BCAR3: variants seen among roughly 807,000 people sequenced by gnomAD.
BCAR3 encodes the protein breast cancer anti-estrogen resistance protein 3.
BCAR3 carries 37 observed loss-of-function variants against 80.1 expected under a neutral mutation model. That is an observed-to-expected ratio of 0.46 (90% CI 0.36 to 0.61). The LOEUF (loss-of-function observed/expected upper bound fraction) is 0.61. Ranked by LOEUF, BCAR3 falls within the 20% of genes least tolerant of loss-of-function variation. The pLI is 0.00. For synonymous variants in BCAR3, 389 were observed against 418.9 expected (o/e 0.93, Z 0.87); for missense variants, 978 against 1,068.2 (o/e 0.92, Z 1.18).
rs968639421 is a variant in BCAR3 at position 93,582,462 on chromosome 1, G to A, written c.1525C>T (p.Leu509=). The change falls in exon 7 of 12, where the codon CTG becomes TTG. Residue 509 remains leucine, a synonymous_variant. Coordinates refer to ENST00000260502, the MANE Select transcript of BCAR3 (RefSeq NM_003567.4). ...WDKGEFVTPL[L]ETVSSFRPNE... is the part of the protein sequence containing the mutation. ...GGCCTGAAGGAGGAGACAGTCTCCA[G>A]GAGGGGCGTCACAAACTCGCCCTTG... 11 of 1,614,070 alleles carry A rather than the reference G, an allele frequency of 6.8e-6. No individual in the cohort carries two copies. Among genetic ancestry groups the A allele is most frequent in the Non-Finnish European group, 8.5e-6 (10 of 1,180,048 alleles).
chr1:93,650,988 T>A (rs1373204950), intron 2 of BCAR3, among the ~76,000 whole-genome samples: 2 of 152,130 alleles, frequency 1.3e-5, no homozygotes, highest in African/African-American at 2.4e-5. Context: ...TCAGAGCACA[T>A]CTGGAATATT....
intron 3 of BCAR3, among the ~76,000 whole-genome samples, chr1:93,631,759 C>T (rs368490829): frequency 6.6e-6 from 1 of 152,202 alleles, no homozygotes; most frequent in Admixed American, 6.5e-5. Flanking sequence ...CAAATTCACA[C>T]AGAATGTAAA....
intron 3 of BCAR3, among the ~76,000 whole-genome samples, chr1:93,610,492 C>CA (rs1674915040): frequency 2.0e-5 from 3 of 148,298 alleles, no homozygotes; most frequent in African/African-American, 8.0e-5. Flanking sequence ...AACAAACAAA[C>CA]AACAACATCA....
chr1:93,726,257 G>C (rs1359605945), intron 2 of BCAR3, among the ~76,000 whole-genome samples: 13 of 151,904 alleles, frequency 8.6e-5, no homozygotes, highest in Admixed American at 8.5e-4. Context: ...TTTTGAGAGA[G>C]AGACAGGGTC....
chr1:93,570,695 A>C (rs1161995818), intron 9 of BCAR3, among the ~76,000 whole-genome samples: 7 of 152,206 alleles, frequency 4.6e-5, no homozygotes, highest in Non-Finnish European at 1.0e-4. Context: ...TTCTGATAGA[A>C]GCTCTGCAAA....
chr1:93,643,726 A>G (rs528590204), intron 2 of BCAR3, among the ~76,000 whole-genome samples: 78 of 152,254 alleles, frequency 5.1e-4, no homozygotes, highest in African/African-American at 1.8e-3. Context: ...CAACATGAGG[A>G]CTATAGGTAA....
chr1:93,728,451 A>G (rs1158044097), intron 2 of BCAR3, among the ~76,000 whole-genome samples: 1 of 152,120 alleles, frequency 6.6e-6, no homozygotes, highest in Non-Finnish European at 1.5e-5. Flanking sequence ...TAGACCCTCT[A>G]CCCTGTTGCA....
In BCAR3 at chr1:93,829,833, C is replaced by A. The variant is rs916923670; in HGVS notation, c.-63+15734G>T. Among the ~76,000 whole-genome samples the A allele has an allele frequency of 1.9e-4, 29 of 152,176 alleles. 2 individuals are homozygous for A. Among genetic ancestry groups the A allele is most frequent in the Non-Finnish European group, 4.4e-5 (3 of 68,024 alleles). ...TTGATCTGTGTCCCCACCCAAATCT[C>A]ATGTTCAACTGTAATCCCCAGCATT... On this transcript the variant is annotated intron_variant, in intron 2 of 13. Coordinates refer to the BCAR3 transcript ENST00000370244.
chr1:93,662,246 C>G (rs1034205376), intron 2 of BCAR3, among the ~76,000 whole-genome samples: 1 of 152,176 alleles, frequency 6.6e-6, no homozygotes, highest in Non-Finnish European at 1.5e-5. Flanking sequence ...CTGAAAATCA[C>G]GGGAGCTTCT....
At chr1:93,703,043 C>T (rs1649703077) in intron 3 of BCAR3, among the ~76,000 whole-genome samples, 1 of 152,178 alleles carries the variant, frequency 6.6e-6, no homozygotes, top group African/African-American at 2.4e-5. Context: ...GGCAGAAGAG[C>T]TCACAGGTGT....
chr1:93,627,205 C>T (rs547192836), intron 3 of BCAR3, among the ~76,000 whole-genome samples: 28 of 152,240 alleles, frequency 1.8e-4, no homozygotes, highest in African/African-American at 6.0e-4. Context: ...TTTATAAGAT[C>T]TGCATAACTC....
intron 2 of BCAR3, among the ~76,000 whole-genome samples, chr1:93,667,661 A>G (rs1252643041): frequency 1.3e-5 from 2 of 152,262 alleles, no homozygotes; most frequent in Non-Finnish European, 2.9e-5. Flanking sequence ...TGTAAATAAC[A>G]GCACAGTCCT....
At chr1:93,676,706 T>A (rs971942535) in intron 1 of BCAR3, among the ~76,000 whole-genome samples, 6 of 152,180 alleles carry the variant, frequency 3.9e-5, no homozygotes, top group Admixed American at 3.3e-4. Flanking sequence ...CTAGGATTCT[T>A]CCACCCTACA....
chr1:93,711,337 T>A (rs1233937245), intron 2 of BCAR3, among the ~76,000 whole-genome samples: 2 of 152,234 alleles, frequency 1.3e-5, no homozygotes, highest in East Asian at 3.8e-4. Flanking sequence ...GCCTCATTCA[T>A]GTCTGTCAGG....
intron 2 of BCAR3, among the ~76,000 whole-genome samples, chr1:93,655,528 A>G (rs1414207707): frequency 6.6e-6 from 1 of 152,226 alleles, no homozygotes; most frequent in African/African-American, 2.4e-5. Flanking sequence ...TAAGTAGATC[A>G]TGCCTGGCAC....
At chr1:93,785,199 G>T (rs184086119) in intron 2 of BCAR3, among the ~76,000 whole-genome samples, 64 of 152,340 alleles carry the variant, frequency 4.2e-4, no homozygotes, top group Middle Eastern at 3.4e-3. Context: ...GCTTTCTATA[G>T]CAAGTACTTT....
chr1:93,666,009 G>A lies in BCAR3; in HGVS notation c.317+8605C>T, dbSNP rs236284. 3.3e-5 allele frequency among the ~76,000 whole-genome samples: 5 copies of A among 151,854 alleles called. 1 individual carries two copies. The East Asian group carries it at 9.7e-4, about 29-fold the overall frequency. ...ACAGACTTCTCTCCTCTACCACCAC[G>A]CTAGTGCAGAACCCCACCTGCTCCC... On this transcript the variant is annotated intron_variant, in intron 2 of 11. Transcript: ENST00000260502.
At chr1:93,617,855 G>A (rs1011636242) in intron 3 of BCAR3, among the ~76,000 whole-genome samples, 19 of 152,226 alleles carry the variant, frequency 1.2e-4, no homozygotes, top group African/African-American at 4.6e-4. Context: ...GCTCTGTGGA[G>A]AGCAGTGTGG....
chr1:93,848,003 A>G, upstream of BCAR3: 1 of 177,120 alleles, frequency 5.6e-6, no homozygotes. Flanking sequence ...CTCGGGTGAC[A>G]CCCCCACGCC....
Sources: allele counts gnomAD v4.1 joint callset (sites outside exome capture counted in the v4.1 genomes callset), GRCh38; gene constraint gnomAD v4.1.1; transcripts MANE v1.5; gene names NCBI Gene and HGNC (gene_info 2026-07-23, HGNC 2026-07-21).